Variants in BLK observed in about 807,000 individuals in gnomAD.
BLK encodes BLK proto-oncogene, Src family tyrosine kinase.
A neutral mutation model predicts 61.8 loss-of-function variants in BLK; 64 were observed. The observed-to-expected ratio is 1.03, with a 90% CI of 0.85 to 1.27. The LOEUF (loss-of-function observed/expected upper bound fraction) is 1.27, where lower values mean the gene tolerates loss of function less well. Among genes scored for constraint, BLK ranks in the 50% most tolerant of loss-of-function variants. BLK has a pLI of 0.00. For missense variants in BLK, 853 were observed against 660.5 expected (o/e 1.29, Z -3.19); for synonymous variants, 351 against 272.0 (o/e 1.29, Z -2.86).
rs1204675407 is a variant in BLK at position 11,549,064 on chromosome 8, A to G, written c.310A>G (p.Arg104Gly). 1 of 1,611,872 alleles carries G rather than the reference A, an allele frequency of 6.2e-7. No homozygotes were observed. The highest frequency in any genetic ancestry group is 8.5e-7 in the Non-Finnish European group (1 of 1,179,248). Residue 104 changes from arginine (R) to glycine (G), a missense_variant, in exon 5 of 13, where the codon AGA becomes GGA. Transcript: ENST00000259089. ...GCTGGCCAGGTCACTCGTCACAGGA[A>G]GAGAAGGCTATGTGCCCAGTAACTT... ...WWLARSLVTG[R>G]EGYVPSNFVA...
intron 1 of BLK, among the ~76,000 whole-genome samples, chr8:11,538,673 C>T (rs1585380306): frequency 6.6e-6 from 1 of 152,172 alleles, no homozygotes; most frequent in African/African-American, 2.4e-5. Context: ...GAGGGCTGGT[C>T]ACCTGGGCAG....
At chr8:11,494,885 G>A (rs1203132312) in intron 1 of BLK, among the ~76,000 whole-genome samples, 1 of 152,248 alleles carries the variant, frequency 6.6e-6, no homozygotes, top group Non-Finnish European at 1.5e-5. Context: ...GATGTAGAGA[G>A]GGGGTTGAGC....
intron 2 of BLK, among the ~76,000 whole-genome samples, chr8:11,545,458 A>C (rs1203229396): frequency 6.6e-6 from 1 of 152,180 alleles, no homozygotes; most frequent in East Asian, 1.9e-4. Flanking sequence ...CTGAGGCACG[A>C]GAATTGCTTG....
At chr8:11,503,702 T>A (rs923582735) in intron 1 of BLK, among the ~76,000 whole-genome samples, 1 of 152,124 alleles carries the variant, frequency 6.6e-6, no homozygotes, top group Non-Finnish European at 1.5e-5. Flanking sequence ...GCTCTCTTGG[T>A]CACCAGACTG....
At chr8:11,528,141 A>T (rs1317861425) in intron 1 of BLK, among the ~76,000 whole-genome samples, 4 of 152,020 alleles carry the variant, frequency 2.6e-5, no homozygotes, top group Admixed American at 2.6e-4. Context: ...GGCTCAGGTG[A>T]TCCTCCCACC....
At chr8:11,562,235 G>A (rs926339314) in intron 11 of BLK, among the ~76,000 whole-genome samples, 2 of 152,204 alleles carry the variant, frequency 1.3e-5, no homozygotes, top group Non-Finnish European at 2.9e-5. Flanking sequence ...TGTCCACGGA[G>A]CACTGTTTTA....
intron 1 of BLK, among the ~76,000 whole-genome samples, chr8:11,504,341 G>C (rs944752983): frequency 7.9e-6 from 1 of 125,846 alleles, no homozygotes; most frequent in African/African-American, 3.3e-5. Flanking sequence ...GAAAGGAAGG[G>C]AGGAAGGAAG....
chr8:11,521,727 C>T (rs1187462831), intron 1 of BLK, among the ~76,000 whole-genome samples: 1 of 152,206 alleles, frequency 6.6e-6, no homozygotes, highest in African/African-American at 2.4e-5. Context: ...ACGCACAGTG[C>T]CTCCCCGGCA....
chr8:11,526,714 G>T (rs1799667807), intron 1 of BLK, among the ~76,000 whole-genome samples: 2 of 152,112 alleles, frequency 1.3e-5, no homozygotes, highest in Non-Finnish European at 2.9e-5. Context: ...GCAAGACTCT[G>T]TCTCAAAAAA....
chr8:11,562,809 T>C (rs575469986), intron 11 of BLK, among the ~76,000 whole-genome samples, 170 bp from the exon 12 acceptor site: 5 of 152,356 alleles, frequency 3.3e-5, no homozygotes, highest in Admixed American at 6.5e-5. Flanking sequence ...CACCTGGTCA[T>C]GTGTCCTGGT....
chr8:11,559,907 A>G (rs1801411409), intron 10 of BLK: 1 of 453,280 alleles, frequency 2.2e-6, no homozygotes, highest in Non-Finnish European at 4.4e-6. Flanking sequence ...GTTCTTGCTC[A>G]GCAGATCTGG....
chr8:11,494,883 G>C (rs1442882349), intron 1 of BLK, among the ~76,000 whole-genome samples: 2 of 152,258 alleles, frequency 1.3e-5, no homozygotes, highest in Non-Finnish European at 2.9e-5. Flanking sequence ...GGGATGTAGA[G>C]AGGGGGTTGA....
At chr8:11,532,240 C>T (rs969670594) in intron 1 of BLK, among the ~76,000 whole-genome samples, 3 of 151,242 alleles carry the variant, frequency 2.0e-5, no homozygotes, top group African/African-American at 7.3e-5. Context: ...GCTCTGTTGC[C>T]CAGGCTAGAG....
At chr8:11,553,282 C>A (rs1042949043) in intron 6 of BLK, 4 of 312,150 alleles carry the variant, frequency 1.3e-5, no homozygotes, top group African/African-American at 6.6e-5. Flanking sequence ...AGACTAGTTT[C>A]ACAGCTCAAA....
In BLK at chr8:11,548,937, G is replaced by C; in HGVS notation, c.270-87G>C. The C allele has an allele frequency of 6.7e-6, 8 of 1,196,284 alleles. No homozygotes were observed. The South Asian group carries it at 1.0e-4, about 16-fold the overall frequency. The allele number at this position is 1,196,284 out of a possible 1,614,324, so 74.1% of individuals were successfully genotyped here. A position where few individuals can be genotyped will look rare whatever the true frequency, so the allele number is the denominator to read the frequency against. On this transcript the variant is annotated intron_variant, in intron 4 of 12. Coordinates refer to ENST00000259089, the MANE Select transcript of BLK (RefSeq NM_001715.3). ...CTGCGGATTCTCTGCCCTCCAGGGA[G>C]AGATGACTTTGAGGAGGCCTGAGAG...
chr8:11,512,272 G>A (rs1444367230), intron 1 of BLK, among the ~76,000 whole-genome samples: 1 of 152,222 alleles, frequency 6.6e-6, no homozygotes, highest in African/African-American at 2.4e-5. Context: ...CAGACCTGTG[G>A]AGGACACCAC....
At chr8:11,507,564 C>G (rs1798824921) in intron 1 of BLK, among the ~76,000 whole-genome samples, 1 of 152,180 alleles carries the variant, frequency 6.6e-6, no homozygotes, top group African/African-American at 2.4e-5. Context: ...TTAGTGGACC[C>G]AGTGGAGATA....
In BLK at chr8:11,548,114, G is replaced by A. The variant is rs56185487; in HGVS notation, c.258G>A (p.Gln86=). ...AGATGCTGAAGGGGGAGAAGCTACAGGTCCTGAAGGGGTGAGGTTCCAGGA... is the reference window on the plus strand; with the variant it reads ...AGATGCTGAAGGGGGAGAAGCTACAAGTCCTGAAGGGGTGAGGTTCCAGGA... ...DLQMLKGEKL[Q]VLKGTGDWWL... The change falls in exon 4 of 13, where the codon CAG becomes CAA. Residue 86 remains glutamine, a synonymous_variant. Coordinates refer to ENST00000259089, the MANE Select transcript of BLK (RefSeq NM_001715.3). 8,005 of 1,613,184 alleles carry A rather than the reference G, an allele frequency of 5.0e-3. 165 individuals are homozygous for A. In the African/African-American group the frequency reaches 0.062, roughly 13 times the overall value.
chr8:11,533,234 CCTTTT>C (rs1444417052), intron 1 of BLK, among the ~76,000 whole-genome samples: 1 of 152,306 alleles, frequency 6.6e-6, no homozygotes, highest in East Asian at 1.9e-4. Flanking sequence ...AGGCCTGAGA[CCTTTT>C]CTTTTCTTTT....
Sources: allele counts gnomAD v4.1 joint callset (sites outside exome capture counted in the v4.1 genomes callset), GRCh38; gene constraint gnomAD v4.1.1; transcripts MANE v1.5; gene names NCBI Gene and HGNC (gene_info 2026-07-23, HGNC 2026-07-21).